LRBA: variants seen among roughly 807,000 people sequenced by gnomAD.
LRBA encodes LPS responsive beige-like anchor protein.
Under a neutral mutation model 330.0 loss-of-function variants are expected in LRBA, and 176 were observed. The ratio of observed to expected loss-of-function variants is 0.53; its 90% CI spans 0.47 to 0.60. The LOEUF (loss-of-function observed/expected upper bound fraction) is 0.60. Ranked by LOEUF, LRBA falls within the 20% of genes least tolerant of loss-of-function variation. LRBA has a pLI of 0.00. For synonymous variants in LRBA, 1,230 were observed against 1,193.0 expected, an observed-to-expected ratio of 1.03 and a Z score of -0.64; for missense variants, 3,259 against 3,444.8, an observed-to-expected ratio of 0.95 and a Z score of 1.35.
intron 37 of LRBA, among the ~76,000 whole-genome samples, chr4:150,601,403 C>G (rs746215951): frequency 4.6e-5 from 7 of 152,048 alleles, no homozygotes; most frequent in Non-Finnish European, 8.8e-5. Flanking sequence ...TTTTATCACA[C>G]AGCAGAAAAA....
chr4:150,814,940 C>T (rs1463882120), intron 31 of LRBA, among the ~76,000 whole-genome samples: 5 of 151,888 alleles, frequency 3.3e-5, no homozygotes, highest in Non-Finnish European at 4.4e-5. Context: ...ATGTATAATA[C>T]TGTTACATGT....
rs186430497 is a variant in LRBA, at chr4:150,573,666, G to T, written c.6330+14382C>A. Reference sequence around the variant, plus strand: ...TAAGTTATCACGTAAGTGAAAGGAGGTGTTGAAATTATTTCCTACCAAGCT... The same window carrying T: ...TAAGTTATCACGTAAGTGAAAGGAGTTGTTGAAATTATTTCCTACCAAGCT... On this transcript the variant is annotated intron_variant, in intron 40 of 56. Transcript: ENST00000651943. Among the ~76,000 whole-genome samples, 145 of 152,272 alleles carry T rather than the reference G, an allele frequency of 9.5e-4. 1 individual carries two copies. The highest frequency in any genetic ancestry group is 7.8e-3 in the Admixed American group (119 of 15,288).
intron 47 of LRBA, among the ~76,000 whole-genome samples, chr4:150,404,913 C>T (rs1274096761): frequency 6.6e-6 from 1 of 152,078 alleles, no homozygotes; most frequent in African/African-American, 2.4e-5. Context: ...AAACAAAATG[C>T]GGTTTACTCT....
intron 40 of LRBA, among the ~76,000 whole-genome samples, chr4:150,538,596 T>A (rs1006553852): frequency 4.0e-5 from 6 of 151,700 alleles, no homozygotes; most frequent in Non-Finnish European, 7.4e-5. Context: ...TGGGTACATA[T>A]GGACATACAG....
intron 8 of LRBA, among the ~76,000 whole-genome samples, chr4:150,915,053 G>T (rs1024765158): frequency 6.6e-6 from 1 of 152,094 alleles, no homozygotes; most frequent in Non-Finnish European, 1.5e-5. Flanking sequence ...TACAAAATAT[G>T]TATATATGTG....
At position 150,828,592 on chromosome 4, in the gene LRBA, T is replaced by C. The variant is rs541167931; in HGVS notation, c.4759A>G (p.Thr1587Ala). The C allele has an allele frequency of 1.9e-6, 3 of 1,613,982 alleles. No individual in the cohort carries two copies. In the South Asian group the frequency reaches 3.3e-5, roughly 18 times the overall value. The change falls in exon 30 of 57, where the codon ACT becomes GCT. Residue 1587 changes from threonine (T) to alanine (A), a missense_variant. Coordinates refer to ENST00000651943, the MANE Select transcript of LRBA (RefSeq NM_001364905.1). ...EITPAAFSTL[T>A]TASVEESEST... is the part of the protein sequence containing the mutation. Reference sequence around the variant, plus strand: ...TCAGATTCTTCCACTGATGCCGTAGTTAAAGTGCTGAATGCTGCTGGTGTG... The same window carrying C: ...TCAGATTCTTCCACTGATGCCGTAGCTAAAGTGCTGAATGCTGCTGGTGTG...
At chr4:150,414,483 A>T (rs1177415435) in intron 47 of LRBA, among the ~76,000 whole-genome samples, 1 of 151,974 alleles carries the variant, frequency 6.6e-6, no homozygotes, top group Admixed American at 6.6e-5. Flanking sequence ...TTTATTTTTT[A>T]AATTTATTTT....
intron 38 of LRBA, chr4:150,597,171 C>G: frequency 2.3e-6 from 2 of 853,272 alleles, no homozygotes; most frequent in Non-Finnish European, 3.7e-6. Flanking sequence ...CGAGAGTAAT[C>G]AGAGTGAAAT....
At chr4:150,894,791 T>C (rs1047598840) in intron 16 of LRBA, among the ~76,000 whole-genome samples, 5 of 152,212 alleles carry the variant, frequency 3.3e-5, no homozygotes, top group African/African-American at 1.2e-4. Context: ...AAGTACTTTA[T>C]TCAGTCCCTT....
At chr4:150,503,838 C>T (rs1283567078) in intron 40 of LRBA, among the ~76,000 whole-genome samples, 1 of 151,996 alleles carries the variant, frequency 6.6e-6, no homozygotes, top group Admixed American at 6.5e-5. Flanking sequence ...AAGTTAAAAA[C>T]TTTGAAAAAA....
At chr4:150,652,513 C>T (rs1212348365) in intron 37 of LRBA, among the ~76,000 whole-genome samples, 4 of 152,020 alleles carry the variant, frequency 2.6e-5, no homozygotes, top group Non-Finnish European at 5.9e-5. Flanking sequence ...TTTAAAACAG[C>T]AATTTCTATT....
At chr4:150,981,027 AC>A (rs1233246352) in intron 2 of LRBA, among the ~76,000 whole-genome samples, 7 of 152,118 alleles carry the variant, frequency 4.6e-5, no homozygotes, top group African/African-American at 1.7e-4. Flanking sequence ...AAGAATCAAT[AC>A]TGTTAAAATG....
intron 48 of LRBA, among the ~76,000 whole-genome samples, chr4:150,347,544 G>A (rs1736542460): frequency 6.6e-6 from 1 of 151,852 alleles, no homozygotes; most frequent in African/African-American, 2.4e-5. Flanking sequence ...TACTCAGGAG[G>A]CTGAGGCAGG....
At chr4:150,871,304 A>G in intron 19 of LRBA, 41 bp downstream of exon 19, 1 of 1,075,170 alleles carries the variant, frequency 9.3e-7, no homozygotes, top group Non-Finnish European at 1.4e-6. Flanking sequence ...GCATTTTTAT[A>G]ATAAGAAATT....
At chr4:150,575,450 A>G (rs1186361485) in intron 40 of LRBA, among the ~76,000 whole-genome samples, 2 of 151,942 alleles carry the variant, frequency 1.3e-5, no homozygotes, top group Non-Finnish European at 2.9e-5. Context: ...ATGCCAAATT[A>G]CTACTATTCA....
At chr4:150,423,529 A>G in intron 46 of LRBA, 1 of 446,100 alleles carries the variant, frequency 2.2e-6, no homozygotes, top group Admixed American at 2.9e-5. Context: ...AGCCACAGAG[A>G]CTGGAGGCTG....
rs566114234 is a variant in LRBA at position 150,874,628 on chromosome 4, C to T, written c.2166-1873G>A. On this transcript the variant is annotated intron_variant, in intron 17 of 56. Coordinates refer to ENST00000651943, the MANE Select transcript of LRBA (RefSeq NM_001364905.1). Reference sequence around the variant, plus strand: ...AGTCTGCATGTGTCATTGCTGGGTGCTCCAGCCTGCTACCCTGACACTGTG... The same window carrying T: ...AGTCTGCATGTGTCATTGCTGGGTGTTCCAGCCTGCTACCCTGACACTGTG... 5.3e-5 allele frequency among the ~76,000 whole-genome samples: 8 copies of T among 152,318 alleles called. No individual in the cohort carries two copies. In the South Asian group the frequency reaches 1.0e-3, roughly 20 times the overall value.
chr4:150,929,048 A>T lies in LRBA; in HGVS notation c.234T>A (p.Phe78Leu). 6.2e-7 allele frequency: 1 copy of T among 1,612,390 alleles called. No individual in the cohort carries two copies. Residue 78 changes from phenylalanine to leucine, a missense_variant, in exon 3 of 57, where the codon TTT (phenylalanine) becomes TTA (leucine). Phe to Leu is a conservative substitution (Grantham distance 22, BLOSUM62 0). Coordinates refer to ENST00000651943, the MANE Select transcript of LRBA (RefSeq NM_001364905.1). ...GGATAATGAAATTCATTTCCAGATC[A>T]AACTGTCCTCCTACCAACTTACAAG... The part of the protein sequence containing the change: ...TVFNLLVGGQ[F>L]DLEMNFIIQE...
chr4:150,287,050 T>C (rs1255085433), intron 53 of LRBA, among the ~76,000 whole-genome samples: 3 of 152,236 alleles, frequency 2.0e-5, no homozygotes, highest in African/African-American at 4.8e-5. Context: ...TTTCTTGATT[T>C]GGATTGGTTT....
Sources: allele counts gnomAD v4.1 joint callset (sites outside exome capture counted in the v4.1 genomes callset), GRCh38; gene constraint gnomAD v4.1.1; transcripts MANE v1.5; gene names NCBI Gene and HGNC (gene_info 2026-07-23, HGNC 2026-07-21).